LRRTM3: variants seen among roughly 807,000 people sequenced by gnomAD.
The protein encoded by LRRTM3 is leucine rich repeat transmembrane neuronal 3, also known as leucine-rich repeat transmembrane neuronal protein 3.
A neutral mutation model predicts 44.7 loss-of-function variants in LRRTM3; 24 were observed. The ratio of observed to expected loss-of-function variants is 0.54; its 90% confidence interval spans 0.39 to 0.76. The LOEUF (loss-of-function observed/expected upper bound fraction) is 0.76, where lower values mean the gene tolerates loss of function less well. Among genes scored for constraint, LRRTM3 ranks in the 30% least tolerant of loss-of-function variants. LRRTM3 has a pLI of 0.00. For missense variants in LRRTM3, 587 were observed against 702.2 expected, an observed-to-expected ratio of 0.84 and a Z score of 1.85; for synonymous variants, 277 against 278.7, an observed-to-expected ratio of 0.99 and a Z score of 0.06.
At chr10:67,095,549 C>A (rs913312526) in intron 2 of LRRTM3, among the ~76,000 whole-genome samples, 5 of 151,644 alleles carry the variant, frequency 3.3e-5, no homozygotes, top group African/African-American at 1.2e-4. Flanking sequence ...TTAAATCAAG[C>A]AGGAAATTGT....
chr10:66,930,725 AATATG>A (rs531270602), intron 2 of LRRTM3, among the ~76,000 whole-genome samples: 14 of 152,310 alleles, frequency 9.2e-5, no homozygotes, highest in African/African-American at 1.4e-4. Flanking sequence ...TGGAATATAA[AATATG>A]ATATAACACT....
At chr10:67,068,970 G>A (rs1856266898) in intron 2 of LRRTM3, among the ~76,000 whole-genome samples, 1 of 152,090 alleles carries the variant, frequency 6.6e-6, no homozygotes, top group Non-Finnish European at 1.5e-5. Flanking sequence ...TGAGGCAGGA[G>A]AATCACTTGA....
At chr10:67,095,081 T>C (rs1015225276) in intron 2 of LRRTM3, among the ~76,000 whole-genome samples, 12 of 151,500 alleles carry the variant, frequency 7.9e-5, no homozygotes, top group Non-Finnish European at 1.6e-4. Flanking sequence ...CCCCTATATA[T>C]ACACATGGGT....
chr10:66,939,999 A>T (rs953735675), intron 2 of LRRTM3, among the ~76,000 whole-genome samples: 1 of 150,590 alleles, frequency 6.6e-6, no homozygotes, highest in African/African-American at 2.4e-5. Flanking sequence ...TGGTTACTTA[A>T]TTTTTTTTTT....
At chr10:66,957,184 C>T (rs987779684) in intron 2 of LRRTM3, among the ~76,000 whole-genome samples, 1 of 151,726 alleles carries the variant, frequency 6.6e-6, no homozygotes, top group African/African-American at 2.4e-5. Context: ...TCAATAGGAC[C>T]AACTTTATCA....
rs146897378 is a variant in LRRTM3 at position 66,928,212 on chromosome 10, C to T, written c.1296C>T (p.Leu432=). ...AGSVALFLSV[L]VILLVIYVSW... The stretch of plus-strand genomic sequence containing the variant: ...GCGTGGCGCTTTTCCTGTCCGTGCT[C>T]GTCATCCTGCTGGTTATCTACGTGT... The change falls in exon 2 of 3, where the codon CTC becomes CTT. Residue 432 remains leucine (L), a synonymous_variant. Coordinates refer to ENST00000361320, the MANE Select transcript of LRRTM3 (RefSeq NM_178011.5). 1.3e-4 allele frequency: 203 copies of T among 1,614,010 alleles called. No homozygotes were observed. Among genetic ancestry groups the T allele is most frequent in the East Asian group, 4.2e-4 (19 of 44,870 alleles).
At chr10:67,038,879 C>A (rs1246475998) in intron 2 of LRRTM3, among the ~76,000 whole-genome samples, 2 of 151,774 alleles carry the variant, frequency 1.3e-5, no homozygotes, top group African/African-American at 4.8e-5. Context: ...ATAATACATA[C>A]AAATTTAGTA....
At chr10:66,943,424 G>T (rs756710262) in intron 2 of LRRTM3, among the ~76,000 whole-genome samples, 12 of 151,648 alleles carry the variant, frequency 7.9e-5, no homozygotes, top group South Asian at 2.1e-4. Context: ...TCTTTTTATG[G>T]TATATCTTCA....
chr10:67,017,160 T>C (rs903538041), intron 2 of LRRTM3, among the ~76,000 whole-genome samples: 7 of 152,218 alleles, frequency 4.6e-5, no homozygotes, highest in African/African-American at 9.6e-5. Flanking sequence ...TATGAAAATA[T>C]GGGATTTAAT....
chr10:67,030,632 A>G (rs928010870), intron 2 of LRRTM3, among the ~76,000 whole-genome samples: 8 of 152,176 alleles, frequency 5.3e-5, no homozygotes, highest in Non-Finnish European at 4.4e-5. Flanking sequence ...ATGTAGATCA[A>G]TATATTTGTT....
chr10:67,008,487 G>A (rs1005903389), intron 2 of LRRTM3, among the ~76,000 whole-genome samples: 3 of 151,982 alleles, frequency 2.0e-5, no homozygotes, highest in African/African-American at 7.3e-5. Flanking sequence ...TTTTTACAGG[G>A]TGGCTATTCA....
chr10:67,009,248 C>CT lies in LRRTM3; in HGVS notation c.1536+80804dup, dbSNP rs1158028367. On this transcript the variant is annotated intron_variant, in intron 2 of 2. Coordinates refer to ENST00000361320, the MANE Select transcript of LRRTM3 (RefSeq NM_178011.5). ...TACAAATTATATTTATATTGGATCC[C>CT]TTTTTTTTCTTTTCCACATCTTTCA... Among the ~76,000 whole-genome samples, 15 of 151,688 alleles carry CT rather than the reference C, an allele frequency of 9.9e-5. No homozygotes were observed. In the East Asian group the frequency reaches 2.7e-3, roughly 27 times the overall value.
At chr10:67,091,170 C>T (rs993026770) in intron 2 of LRRTM3, among the ~76,000 whole-genome samples, 15 of 151,878 alleles carry the variant, frequency 9.9e-5, no homozygotes, top group Non-Finnish European at 2.2e-4. Context: ...CATCAAATTG[C>T]GCATACCTTA....
At chr10:66,971,254 C>A (rs1040564819) in intron 2 of LRRTM3, among the ~76,000 whole-genome samples, 2 of 151,872 alleles carry the variant, frequency 1.3e-5, no homozygotes, top group Non-Finnish European at 2.9e-5. Flanking sequence ...AGTGAAACCC[C>A]GTCTCTACTA....
At chr10:67,041,363 T>C (rs930674033) in intron 2 of LRRTM3, among the ~76,000 whole-genome samples, 4 of 152,114 alleles carry the variant, frequency 2.6e-5, no homozygotes, top group African/African-American at 7.2e-5. Flanking sequence ...CTATAAATAA[T>C]AGAGGTTACT....
At chr10:66,931,794 T>C (rs568606080) in intron 2 of LRRTM3, among the ~76,000 whole-genome samples, 1 of 152,282 alleles carries the variant, frequency 6.6e-6, no homozygotes, top group East Asian at 1.9e-4. Context: ...TAGAAATAAG[T>C]GTCCAAGATG....
At chr10:67,035,010 A>C (rs995336029) in intron 2 of LRRTM3, among the ~76,000 whole-genome samples, 1 of 152,196 alleles carries the variant, frequency 6.6e-6, no homozygotes, top group African/African-American at 2.4e-5. Flanking sequence ...CACTTATTTC[A>C]AGAAGCCCTT....
intron 2 of LRRTM3, among the ~76,000 whole-genome samples, chr10:67,053,183 TG>T (rs1268650352): frequency 1.3e-5 from 2 of 152,202 alleles, no homozygotes; most frequent in East Asian, 1.9e-4. Context: ...TATTAAGGTT[TG>T]GTCAACCTTC....
At chr10:67,062,428 T>G (rs1421064959) in intron 2 of LRRTM3, among the ~76,000 whole-genome samples, 6 of 152,216 alleles carry the variant, frequency 3.9e-5, no homozygotes, top group Non-Finnish European at 5.9e-5. Flanking sequence ...TTTAGCATTA[T>G]CTCTTAAGTA....
Sources: allele counts gnomAD v4.1 joint callset (sites outside exome capture counted in the v4.1 genomes callset), GRCh38; gene constraint gnomAD v4.1.1; transcripts MANE v1.5; gene names NCBI Gene and HGNC (gene_info 2026-07-23, HGNC 2026-07-21).